Variants in C1QL1 observed in about 807,000 individuals in gnomAD.
C1QL1 encodes C1q-related factor.
C1QL1 carries 15 observed loss-of-function variants against 14.2 expected under a neutral mutation model. The observed-to-expected ratio is 1.06, with a 90% CI of 0.71 to 1.62. The LOEUF is 1.62. Ranked by LOEUF, C1QL1 falls within the 40% of genes most tolerant of loss-of-function variation. The pLI, the probability that C1QL1 is intolerant of heterozygous loss-of-function variation, is 0.00. For missense variants in C1QL1, 346 were observed against 380.3 expected (o/e 0.91, Z 0.75); for synonymous variants, 172 against 172.4 (o/e 1.00, Z 0.02).
chr17:44,963,425 G>A (rs1307180967), intron 1 of C1QL1, among the ~76,000 whole-genome samples: 2 of 152,124 alleles, frequency 1.3e-5, no homozygotes, highest in East Asian at 3.9e-4. Flanking sequence ...ATCTCCTTAG[G>A]TCTTTTTTCT....
chr17:44,961,815 A>G (rs1257283120), intron 1 of C1QL1, among the ~76,000 whole-genome samples: 7 of 147,804 alleles, frequency 4.7e-5, no homozygotes, highest in Non-Finnish European at 1.0e-4. Flanking sequence ...GAACCCGGGA[A>G]GCGGAGCTTG....
chr17:44,959,958 C>T lies in C1QL1; in HGVS notation c.*230G>A. ...ATATATAGCGCGGGCTGGGCGGGGG[C>T]GGTCAACCCCGGTTCCCTGGCACGG... On this transcript the variant is annotated 3_prime_UTR_variant, in exon 2 of 2. Coordinates refer to ENST00000253407, the MANE Select transcript of C1QL1 (RefSeq NM_006688.5). 1 of 544,194 alleles carries T rather than the reference C, an allele frequency of 1.8e-6. No homozygotes were observed. Among genetic ancestry groups the T allele is most frequent in the Non-Finnish European group, 3.2e-6 (1 of 307,914 alleles). 33.7% of individuals were successfully genotyped at this position (544,194 alleles called of 1,614,324 possible). A position where few individuals can be genotyped will look rare whatever the true frequency, so the allele number is the denominator to read the frequency against.
In C1QL1 at chr17:44,960,181, G is replaced by A; in HGVS notation, c.*7C>T. 3 of 1,613,550 alleles carry A rather than the reference G, an allele frequency of 1.9e-6. No individual in the cohort carries two copies. The highest frequency in any genetic ancestry group is 2.5e-6 in the Non-Finnish European group (3 of 1,179,592). ...GAGGGACGTGGGTGGAGGGAGACGT[G>A]GGGAGCTCAGTCGGAGTAGATGATG... is the stretch of plus-strand genomic sequence containing the variant. On this transcript the variant is annotated 3_prime_UTR_variant, in exon 2 of 2. Transcript: ENST00000253407.
In C1QL1 at chr17:44,968,157, G is replaced by T. The variant is rs1597911666; in HGVS notation, c.-109C>A. ...GGGCAATGGTGCCGGCGGGCAGGGG[G>T]CGCGGGCTAGGCGCCCGCGCTCAAG... On this transcript the variant is annotated 5_prime_UTR_variant, in exon 1 of 2. Coordinates refer to ENST00000253407, the MANE Select transcript of C1QL1 (RefSeq NM_006688.5). The T allele has an allele frequency of 1.4e-5, 8 of 588,078 alleles. No individual in the cohort carries two copies. The East Asian group carries it at 4.7e-4, about 34-fold the overall frequency. 36.4% of individuals were successfully genotyped at this position (588,078 alleles called of 1,614,324 possible). A position where few individuals can be genotyped will look rare whatever the true frequency, so the allele number is the denominator to read the frequency against.
intron 1 of C1QL1, among the ~76,000 whole-genome samples, chr17:44,965,855 T>C (rs900670470): frequency 3.3e-5 from 5 of 152,220 alleles, no homozygotes; most frequent in African/African-American, 1.2e-4. Flanking sequence ...AGGAAGACAT[T>C]CCATTGATGA....
In C1QL1 at chr17:44,967,698, G is replaced by T. The variant is rs2143029894; in HGVS notation, c.351C>A (p.Gly117=). The T allele has an allele frequency of 6.2e-7, 1 of 1,611,532 alleles. No individual in the cohort carries two copies. The highest frequency in any genetic ancestry group is 2.2e-5 in the East Asian group (1 of 44,818). ...PPGLPGAGGS[G]AISTATYTTV... Reference sequence around the variant, plus strand: ...TGGTGTAGGTGGCAGTGCTGATGGCGCCGCTGCCCCCCGCGCCCGGCAGCC... The same window carrying T: ...TGGTGTAGGTGGCAGTGCTGATGGCTCCGCTGCCCCCCGCGCCCGGCAGCC... Residue 117 remains glycine, a synonymous_variant, in exon 1 of 2, where the codon GGC becomes GGA. Coordinates refer to ENST00000253407, the MANE Select transcript of C1QL1 (RefSeq NM_006688.5). The surrounding 1 kb of genome is among the most constrained non-coding windows in gnomAD (Gnocchi z 7.0).
At chr17:44,965,161 T>C (rs1287999668) in intron 1 of C1QL1, among the ~76,000 whole-genome samples, 2 of 152,082 alleles carry the variant, frequency 1.3e-5, no homozygotes, top group Non-Finnish European at 2.9e-5. Context: ...TACAGGTGCC[T>C]GCCACCACGC....
chr17:44,967,672 G>T lies in C1QL1; in HGVS notation c.377C>A (p.Thr126Lys), dbSNP rs761519417. The stretch of plus-strand genomic sequence containing the variant: ...GGCGTAGAAGGCCACGCGCGGCACC[G>T]TGGTGTAGGTGGCAGTGCTGATGGC... ...SGAISTATYTTVPRVAFYAGL... is the reference protein window; with the variant it reads ...SGAISTATYTKVPRVAFYAGL... The change falls in exon 1 of 2, where the codon ACG becomes AAG. Residue 126 changes from threonine to lysine, a missense_variant. Transcript: ENST00000253407. This position sits in a 1 kb window ranked among gnomAD's most constrained non-coding sequence, Gnocchi z 7.0. 1 of 1,613,308 alleles carries T rather than the reference G, an allele frequency of 6.2e-7. No homozygotes were observed. The highest frequency in any genetic ancestry group is 8.5e-7 in the Non-Finnish European group (1 of 1,179,828).
chr17:44,965,621 C>A (rs2052653786), intron 1 of C1QL1, among the ~76,000 whole-genome samples: 2 of 152,174 alleles, frequency 1.3e-5, no homozygotes, highest in Admixed American at 1.3e-4. Flanking sequence ...GGAAAAGGAG[C>A]TTTTGAGATG....
rs955251467 is a variant in C1QL1 at position 44,960,086 on chromosome 17, G to C, written c.*102C>G. On this transcript the variant is annotated 3_prime_UTR_variant, in exon 2 of 2. Transcript: ENST00000253407. ...GGCCGGGGGCGTCATAGCCGGGGAG[G>C]GCCGGGCAGCGAGCGGGTGGGCGAG... 3 of 1,068,652 alleles carry C rather than the reference G, an allele frequency of 2.8e-6. No homozygotes were observed. In the African/African-American group the frequency reaches 4.7e-5, roughly 17 times the overall value. The allele number at this position is 1,068,652 out of a possible 1,614,324, so 66.2% of individuals were successfully genotyped here. A position where few individuals can be genotyped will look rare whatever the true frequency, so the allele number is the denominator to read the frequency against.
chr17:44,962,323 T>C (rs919161511), intron 1 of C1QL1, among the ~76,000 whole-genome samples: 4 of 152,214 alleles, frequency 2.6e-5, no homozygotes, highest in Non-Finnish European at 5.9e-5. Flanking sequence ...CCCGACATAT[T>C]TGCATGAGGG....
In C1QL1 at chr17:44,960,120, C is replaced by A; in HGVS notation, c.*68G>T. On this transcript the variant is annotated 3_prime_UTR_variant, in exon 2 of 2. Coordinates refer to ENST00000253407, the MANE Select transcript of C1QL1 (RefSeq NM_006688.5). The stretch of plus-strand genomic sequence containing the variant: ...GCGAGCGGGTGGGCGAGGGGCGAGT[C>A]ATCGTCTGCCCCGCCCGGAGGGGAC... 1 of 1,447,976 alleles carries A rather than the reference C, an allele frequency of 6.9e-7. No individual in the cohort carries two copies. Among genetic ancestry groups the A allele is most frequent in the Admixed American group, 1.7e-5 (1 of 58,250 alleles). The allele number at this position is 1,447,976 out of a possible 1,614,324, so 89.7% of individuals were successfully genotyped here.
rs1567810257 is a variant in C1QL1, at chr17:44,967,602, G to A, written c.447C>T (p.Asp149=). ...PHEGYEVLKF[D]DVVTNLGNNY... Reference sequence around the variant, plus strand: ...TGTTGCCTAGGTTGGTGACCACGTCGTCAAACTTGAGTACCTCGTAACCCT... The same window carrying A: ...TGTTGCCTAGGTTGGTGACCACGTCATCAAACTTGAGTACCTCGTAACCCT... The change falls in exon 1 of 2, where the codon GAC becomes GAT. Residue 149 remains aspartate (D), a synonymous_variant. Transcript: ENST00000253407. This position sits in a 1 kb window ranked among gnomAD's most constrained non-coding sequence, Gnocchi z 7.0. 1.2e-6 allele frequency: 2 copies of A among 1,614,064 alleles called. No homozygotes were observed. Among genetic ancestry groups the A allele is most frequent in the South Asian group, 1.1e-5 (1 of 91,086 alleles).
At chr17:44,962,463 G>C (rs1331457568) in intron 1 of C1QL1, among the ~76,000 whole-genome samples, 2 of 152,148 alleles carry the variant, frequency 1.3e-5, no homozygotes, top group Non-Finnish European at 2.9e-5. Context: ...TAAATGAAGG[G>C]GGAGATGCTG....
Position 44,967,965 on chromosome 17 carries a change from G to A in C1QL1, c.84C>T (p.Cys28=). 7.4e-7 allele frequency: 1 copy of A among 1,355,950 alleles called. No homozygotes were observed. Among genetic ancestry groups the A allele is most frequent in the Non-Finnish European group, 9.5e-7 (1 of 1,054,210 alleles). The allele number at this position is 1,355,950 out of a possible 1,614,324, so 84.0% of individuals were successfully genotyped here. Residue 28 remains cysteine, a synonymous_variant, in exon 1 of 2, where the codon TGC becomes TGT. Transcript: ENST00000253407. This position sits in a 1 kb window ranked among gnomAD's most constrained non-coding sequence, Gnocchi z 7.0. ...CGGGGTAGGGGTCGCACACCATGCG[G>A]CAGGTGCCCAGCATCTCATAGTGGC... ...PEGHYEMLGT[C]RMVCDPYPAR...
Position 44,961,577 on chromosome 17 carries a change from GT to G in C1QL1, c.598-1211del, listed in dbSNP as rs1459809167. 5.2e-4 allele frequency among the ~76,000 whole-genome samples: 67 copies of G among 128,210 alleles called. 1 individual carries two copies. In the South Asian group the frequency reaches 0.017, roughly 33 times the overall value. The allele number at this position is 128,210 out of a possible 152,430, so 84.1% of individuals were successfully genotyped here. The stretch of plus-strand genomic sequence containing the variant: ...ACTGCGCTCCAGCCTGGGCGACATA[GT>G]GAGACTCAGTCTCAAAAAAAAAAAA... On this transcript the variant is annotated intron_variant, in intron 1 of 1. Transcript: ENST00000253407.
chr17:44,960,796 A>G (rs2052623804), intron 1 of C1QL1, among the ~76,000 whole-genome samples: 1 of 152,194 alleles, frequency 6.6e-6, no homozygotes, highest in Non-Finnish European at 1.5e-5. Context: ...CCATCGTTTC[A>G]GCCACACCCG....
chr17:44,966,509 A>G (rs374071474), intron 1 of C1QL1, among the ~76,000 whole-genome samples: 5 of 152,168 alleles, frequency 3.3e-5, no homozygotes, highest in Non-Finnish European at 7.3e-5. Flanking sequence ...GGGAGGTGGT[A>G]TCAAGAGAGC....
In C1QL1 at chr17:44,967,597, AC is replaced by A. The variant is rs2052664118; in HGVS notation, c.451del (p.Val151TrpfsTer5). On this transcript the variant is annotated frameshift_variant, in exon 1 of 2. Transcript: ENST00000253407. LOFTEE classifies it high-confidence loss of function. This position sits in a 1 kb window ranked among gnomAD's most constrained non-coding sequence, Gnocchi z 7.0. Reference protein sequence around the residue: ...EGYEVLKFDDVVTNLGNNYDA... With the variant: ...EGYEVLKFDDXVTNLGNNYDA... ...GTAGTTGTTGCCTAGGTTGGTGACC[AC>A]GTCGTCAAACTTGAGTACCTCGTAA... is the stretch of plus-strand genomic sequence containing the variant. The A allele has an allele frequency of 6.2e-7, 1 of 1,614,060 alleles. No homozygotes were observed. The highest frequency in any genetic ancestry group is 1.3e-5 in the African/African-American group (1 of 75,052).
Sources: gnomAD v4.1 joint callset for allele counts (sites outside exome capture counted in the v4.1 genomes callset) on GRCh38, gnomAD v4.1.1 for gene constraint, Gnocchi (gnomAD v3.1) non-coding constraint, MANE v1.5 for transcripts, NCBI Gene and HGNC (gene_info 2026-07-23, HGNC 2026-07-21) for gene names.